The following TRIP11 variants were observed in gnomAD, a reference collection of about 807,000 sequenced individuals.
The protein encoded by TRIP11 is thyroid receptor-interacting protein 11.
A neutral mutation model predicts 223.1 loss-of-function variants in TRIP11; 148 were observed. That is an observed-to-expected ratio of 0.66 (90% CI 0.58 to 0.76). The LOEUF is 0.76. Ranked by LOEUF, TRIP11 falls within the 30% of genes least tolerant of loss-of-function variation. The pLI, the probability that TRIP11 is intolerant of heterozygous loss-of-function variation, is 0.00. For synonymous variants in TRIP11, 762 were observed against 772.6 expected, an observed-to-expected ratio of 0.99 and a Z score of 0.23; for missense variants, 2,043 against 2,222.0, an observed-to-expected ratio of 0.92 and a Z score of 1.62.
intron 15 of TRIP11, among the ~76,000 whole-genome samples, chr14:91,992,608 C>T (rs1221178779): frequency 6.6e-6 from 1 of 152,078 alleles, no homozygotes; most frequent in African/African-American, 2.4e-5. Context: ...TATTGACAGT[C>T]TATTTATGAC....
At chr14:92,033,636 TAAAG>T (rs1331263436) in intron 1 of TRIP11, among the ~76,000 whole-genome samples, 1 of 152,114 alleles carries the variant, frequency 6.6e-6, no homozygotes, top group East Asian at 1.9e-4. Context: ...CTGTAAGAAT[TAAAG>T]AAAGAGGAGA....
chr14:91,967,918 T>C lies in TRIP11; in HGVS notation c.*1755A>G, dbSNP rs923154910. 3 of 200,740 alleles carry C rather than the reference T, an allele frequency of 1.5e-5. No individual in the cohort carries two copies. The highest frequency in any genetic ancestry group is 6.9e-5 in the African/African-American group (3 of 43,510). The allele number at this position is 200,740 out of a possible 1,614,324, so 12.4% of individuals were successfully genotyped here. On this transcript the variant is annotated 3_prime_UTR_variant, in exon 21 of 21. Coordinates refer to ENST00000267622, the MANE Select transcript of TRIP11 (RefSeq NM_004239.4). ...CCAAGAGGCAGTTTGACAGTTCTAATATAGAACTTGCATGACAACTTCCTT... is the reference window on the plus strand; with the variant it reads ...CCAAGAGGCAGTTTGACAGTTCTAACATAGAACTTGCATGACAACTTCCTT...
At chr14:92,030,935 A>G (rs974081007) in intron 2 of TRIP11, among the ~76,000 whole-genome samples, 8 of 151,910 alleles carry the variant, frequency 5.3e-5, no homozygotes, top group African/African-American at 1.7e-4. Context: ...AAAATTTTCA[A>G]AAGTATTGCT....
intron 7 of TRIP11, among the ~76,000 whole-genome samples, chr14:92,013,636 C>T (rs761866076): frequency 1.3e-5 from 2 of 148,266 alleles, no homozygotes; most frequent in Non-Finnish European, 2.9e-5. Context: ...CTTTTAAGCA[C>T]ATAAACTCAT....
rs772945803 is a variant in TRIP11 at position 92,006,331 on chromosome 14, C to T, written c.1645G>A (p.Asp549Asn). ...AACTCTTTAGTAATGTCCATTTTAT[C>T]ATCTTCAAGTTGATGAACTCTCTTT... is the stretch of plus-strand genomic sequence containing the variant. Reference protein sequence around the residue: ...EKKRVHQLEDDKMDITKELDV... With the variant: ...EKKRVHQLEDNKMDITKELDV... Residue 549 changes from aspartate to asparagine, a missense_variant, in exon 11 of 21, where the codon GAT becomes AAT. Transcript: ENST00000267622. The T allele has an allele frequency of 9.3e-6, 15 of 1,610,414 alleles. No homozygotes were observed. Among genetic ancestry groups the T allele is most frequent in the Non-Finnish European group, 1.3e-5 (15 of 1,178,634 alleles).
In TRIP11 at chr14:92,017,725, T is replaced by C. The variant is rs1282409738; in HGVS notation, c.614A>G (p.Asn205Ser). ...TTTACATATTTCACTTTGATCAGAG[T>C]TATCTGTTCCTTGTGCTTTGGAAGT... ...AQTSKAQGTD[N>S]SDQSEICKLQ... is the part of the protein sequence containing the mutation. The change falls in exon 5 of 21, where the codon AAC becomes AGC. Residue 205 changes from asparagine (N) to serine (S), a missense_variant. Physicochemically the swap from Asn to Ser is conservative, Grantham distance 46. Transcript: ENST00000267622. 1 of 1,612,880 alleles carries C rather than the reference T, an allele frequency of 6.2e-7. No individual in the cohort carries two copies. Among genetic ancestry groups the C allele is most frequent in the African/African-American group, 1.3e-5 (1 of 74,924 alleles).
rs2056447025 is a variant in TRIP11 at position 91,975,079 on chromosome 14, A to C, written c.5457+93T>G. The C allele has an allele frequency of 1.5e-5, 18 of 1,167,344 alleles. No homozygotes were observed. The South Asian group carries it at 2.2e-4, about 15-fold the overall frequency. The allele number at this position is 1,167,344 out of a possible 1,614,324, so 72.3% of individuals were successfully genotyped here. Reference sequence around the variant, plus strand: ...TTTCCACACTGAGAAAATTACACTCAGTAAAAGTTACATACAGTAAAAGGA... The same window carrying C: ...TTTCCACACTGAGAAAATTACACTCCGTAAAAGTTACATACAGTAAAAGGA... On this transcript the variant is annotated intron_variant, in intron 18 of 20. Transcript: ENST00000267622.
At chr14:91,974,554 G>T (rs2056439445) in intron 19 of TRIP11, 73 bp downstream of exon 19, 1 of 1,236,200 alleles carries the variant, frequency 8.1e-7, no homozygotes, top group Non-Finnish European at 1.2e-6. Flanking sequence ...AAAAAAATCT[G>T]ATTCTTTGCA....
chr14:91,971,329 T>C (rs1475882190), intron 20 of TRIP11, among the ~76,000 whole-genome samples: 2 of 152,196 alleles, frequency 1.3e-5, no homozygotes, highest in East Asian at 1.9e-4. Context: ...ATGACAACTT[T>C]CCGAACTCTG....
At chr14:91,979,714 T>C (rs1425313898) in intron 16 of TRIP11, among the ~76,000 whole-genome samples, 3 of 152,096 alleles carry the variant, frequency 2.0e-5, no homozygotes, top group African/African-American at 7.2e-5. Context: ...GTATTAACTA[T>C]GAGGGGTTTG....
rs545083838 is a variant in TRIP11, at chr14:92,001,199, T to C, written c.4558-1091A>G. 3.9e-5 allele frequency among the ~76,000 whole-genome samples: 6 copies of C among 152,242 alleles called. No individual in the cohort carries two copies. In the East Asian group the frequency reaches 1.2e-3, roughly 29 times the overall value. On this transcript the variant is annotated intron_variant, in intron 11 of 20. Transcript: ENST00000267622. ...TTTCTCCATTTTAAATATGCATATC[T>C]TATGAACCTATTTACAGTTTAGTAT...
At chr14:92,009,040 T>G (rs2056940022) in intron 9 of TRIP11, among the ~76,000 whole-genome samples, 1 of 152,208 alleles carries the variant, frequency 6.6e-6, no homozygotes, top group Admixed American at 6.5e-5. Flanking sequence ...TCTTATTTCC[T>G]TCTAATTCAA....
At chr14:92,019,830 A>C (rs1329585450) in intron 4 of TRIP11, among the ~76,000 whole-genome samples, 1 of 152,224 alleles carries the variant, frequency 6.6e-6, no homozygotes, top group African/African-American at 2.4e-5. Context: ...TTCACACACA[A>C]GTTATATAAT....
rs2056353419 is a variant in TRIP11, at chr14:91,967,545, C to T, written c.*2128G>A. 10 of 200,264 alleles carry T rather than the reference C, an allele frequency of 5.0e-5. No individual in the cohort carries two copies. Among genetic ancestry groups the T allele is most frequent in the Admixed American group, 4.2e-4 (7 of 16,602 alleles). 12.4% of individuals were successfully genotyped at this position (200,264 alleles called of 1,614,324 possible). ...CAATCCACCCACAACAGCTTTTAAA[C>T]TTACGTTAAACCATGGGATGAGAGG... On this transcript the variant is annotated 3_prime_UTR_variant, in exon 21 of 21. Transcript: ENST00000267622.
chr14:91,987,556 T>C (rs995782252), intron 16 of TRIP11, among the ~76,000 whole-genome samples: 2 of 152,222 alleles, frequency 1.3e-5, no homozygotes, highest in African/African-American at 4.8e-5. Flanking sequence ...AACCTAGACA[T>C]CTAAAGTTGA....
chr14:91,976,039 T>C, intron 17 of TRIP11, 69 bp downstream of exon 17: 1 of 1,459,372 alleles, frequency 6.9e-7, no homozygotes, highest in Non-Finnish European at 9.4e-7. Context: ...CATCTACATT[T>C]AGAAGTTTTT....
At chr14:91,999,156 G>A in intron 13 of TRIP11, 84 bp downstream of exon 13, 2 of 1,423,758 alleles carry the variant, frequency 1.4e-6, no homozygotes, top group Non-Finnish European at 1.9e-6. Flanking sequence ...TTGCAAGGAT[G>A]AGCTAACATA....
chr14:91,987,982 T>A (rs1165269324), intron 16 of TRIP11, among the ~76,000 whole-genome samples: 2 of 152,160 alleles, frequency 1.3e-5, no homozygotes, highest in Admixed American at 6.5e-5. Context: ...AAGGGAGAAA[T>A]CATATCCATA....
At chr14:91,999,131 T>G in intron 13 of TRIP11, 109 bp downstream of exon 13, 3 of 1,228,380 alleles carry the variant, frequency 2.4e-6, no homozygotes, top group Non-Finnish European at 3.4e-6. Context: ...ATCCATAAAA[T>G]ACAGATAATG....
Sources: gnomAD v4.1 joint callset for allele counts (sites outside exome capture counted in the v4.1 genomes callset) on GRCh38, gnomAD v4.1.1 for gene constraint, MANE v1.5 for transcripts, NCBI Gene and HGNC (gene_info 2026-07-23, HGNC 2026-07-21) for gene names.